SIN3A: variants seen among roughly 807,000 people sequenced by gnomAD.
The protein encoded by SIN3A is SIN3 transcription regulator family member A, also known as paired amphipathic helix protein Sin3a.
A neutral mutation model predicts 146.1 loss-of-function variants in SIN3A; 14 were observed. That is an observed-to-expected ratio of 0.10 (90% CI 0.06 to 0.15). The LOEUF is 0.15. Ranked by LOEUF, SIN3A falls within the 10% of genes least tolerant of loss-of-function variation. SIN3A has a pLI of 1.00. For missense variants in SIN3A, 1,028 were observed against 1,576.0 expected (o/e 0.65, Z 5.89); for synonymous variants, 572 against 572.0 (o/e 1.00, Z 0.00).
intron 19 of SIN3A, among the ~76,000 whole-genome samples, chr15:75,377,841 A>T (rs766569880): frequency 7.2e-5 from 11 of 152,326 alleles, no homozygotes; most frequent in Admixed American, 5.2e-4. Flanking sequence ...CCGAAAGAAC[A>T]ACTGACTAAA....
At chr15:75,435,738 A>G (rs2074096525) in intron 1 of SIN3A, among the ~76,000 whole-genome samples, 1 of 151,930 alleles carries the variant, frequency 6.6e-6, no homozygotes, top group Non-Finnish European at 1.5e-5. Flanking sequence ...AGTAAGCTAT[A>G]GAATACATAC....
intron 6 of SIN3A, 112 bp from the exon 7 acceptor site, chr15:75,410,398 T>A: frequency 9.2e-7 from 1 of 1,088,706 alleles, no homozygotes; most frequent in Non-Finnish European, 1.3e-6. Flanking sequence ...AAGAAGAAAG[T>A]CTATGTTCTT....
rs761104318 is a variant in SIN3A, at chr15:75,422,727, C to T, written c.286G>A (p.Gly96Ser). ...TGAGCATGACTCTGGACCACCTGGC[C>T]TCCGTGGGGCTGCACCGCTGTTGGG... ...HHPTAVQPHG[G>S]QVVQSHAHPA... is the part of the protein sequence containing the mutation. Residue 96 changes from glycine (G) to serine (S), a missense_variant, in exon 3 of 21, where the codon GGC becomes AGC. Physicochemically the swap from Gly to Ser is moderately conservative, Grantham distance 56. This residue lies in a region of SIN3A where 152 missense variants were observed against 231.5 expected (regional missense o/e 0.66). Coordinates refer to ENST00000394947, the MANE Select transcript of SIN3A (RefSeq NM_001145358.2). 5 of 1,614,212 alleles carry T rather than the reference C, an allele frequency of 3.1e-6. No individual in the cohort carries two copies. The East Asian group carries it at 1.1e-4, about 36-fold the overall frequency.
intron 1 of SIN3A, among the ~76,000 whole-genome samples, chr15:75,446,966 A>C (rs1226180206): frequency 6.6e-6 from 1 of 151,692 alleles, no homozygotes; most frequent in Non-Finnish European, 1.5e-5. Flanking sequence ...TTTAGTGGAG[A>C]CCATGTTAGC....
chr15:75,380,411 T>A (rs2072942181), intron 19 of SIN3A, among the ~76,000 whole-genome samples: 1 of 152,214 alleles, frequency 6.6e-6, no homozygotes, highest in South Asian at 2.1e-4. Flanking sequence ...GTACGGAGGT[T>A]ATTGTTGATT....
Position 75,396,434 on chromosome 15 carries a change from C to T in SIN3A, c.1917G>A (p.Lys639=), listed in dbSNP as rs772043393. 8.1e-6 allele frequency: 13 copies of T among 1,613,966 alleles called. No individual in the cohort carries two copies. The highest frequency in any genetic ancestry group is 1.1e-5 in the Non-Finnish European group (13 of 1,179,980). The change falls in exon 13 of 21, where the codon AAG becomes AAA. Residue 639 remains lysine (K), a synonymous_variant. Coordinates refer to ENST00000394947, the MANE Select transcript of SIN3A (RefSeq NM_001145358.2). ...GTTCTTCAGCAGACAAGCGGGAAAG[C>T]TTCTTCTGTATTGCTTCCAGAACCC... is the stretch of plus-strand genomic sequence containing the variant. ...TIRVLEAIQK[K]LSRLSAEEQA... is the part of the protein sequence containing the mutation.
At chr15:75,400,982 G>A (rs764951202) in intron 10 of SIN3A, 42 bp from the exon 11 acceptor site, 7 of 1,418,410 alleles carry the variant, frequency 4.9e-6, no homozygotes, top group Non-Finnish European at 6.9e-6. Context: ...TTAGGGGCAG[G>A]ATGCAGTTAT....
At chr15:75,442,515 T>C (rs1037967322) in intron 1 of SIN3A, among the ~76,000 whole-genome samples, 7 of 150,482 alleles carry the variant, frequency 4.7e-5, no homozygotes, top group African/African-American at 1.7e-4. Context: ...TCTAGCTGGA[T>C]GCCTATAGTG....
chr15:75,444,345 G>A (rs184284523), intron 1 of SIN3A, among the ~76,000 whole-genome samples: 29 of 152,214 alleles, frequency 1.9e-4, no homozygotes, highest in Admixed American at 1.3e-4. Flanking sequence ...GGAGGTTGAG[G>A]CAGGAGAACC....
chr15:75,449,999 C>G (rs1257397380), intron 1 of SIN3A, among the ~76,000 whole-genome samples: 2 of 151,984 alleles, frequency 1.3e-5, no homozygotes, highest in African/African-American at 4.8e-5. Flanking sequence ...TGGCTGGTCT[C>G]GAACTCCTGA....
At chr15:75,381,726 C>T (rs376957985) in intron 17 of SIN3A, 21 bp from the exon 18 acceptor site, 281 of 1,587,304 alleles carry the variant, frequency 1.8e-4, no homozygotes, top group Non-Finnish European at 2.1e-4. Context: ...GAAACCTAAG[C>T]GTAAACAAAA....
At chr15:75,407,291 T>C (rs1202765851) in intron 8 of SIN3A, 147 bp from the exon 9 acceptor site, 1 of 571,434 alleles carries the variant, frequency 1.7e-6, no homozygotes, top group East Asian at 2.9e-5. Flanking sequence ...ACTCACTCCA[T>C]ACCCTCTAAG....
intron 16 of SIN3A, among the ~76,000 whole-genome samples, chr15:75,387,316 T>TC (rs2073104701): frequency 1.3e-5 from 2 of 151,864 alleles, no homozygotes; most frequent in South Asian, 4.2e-4. Flanking sequence ...CTTGAGCCCA[T>TC]AAGTTTGAGG....
intron 1 of SIN3A, chr15:75,436,506 A>T (rs2074110715): frequency 1.3e-5 from 2 of 152,192 alleles, no homozygotes; most frequent in Admixed American, 6.5e-5. Flanking sequence ...AACATGCTCA[A>T]GTGCTTAGAT....
Position 75,410,068 on chromosome 15 carries a change from G to C in SIN3A, c.1161+66C>G, listed in dbSNP as rs1036465676. 3.4e-5 allele frequency: 54 copies of C among 1,603,198 alleles called. No homozygotes were observed. The Middle Eastern group carries it at 8.3e-4, about 25-fold the overall frequency. On this transcript the variant is annotated intron_variant, in intron 7 of 20. Coordinates refer to ENST00000394947, the MANE Select transcript of SIN3A (RefSeq NM_001145358.2). ...TCATCTAGGAAAAGTCCCCTTCTGAGCACAGTTTTCCAACTCATCTAAGAT... is the reference window on the plus strand; with the variant it reads ...TCATCTAGGAAAAGTCCCCTTCTGACCACAGTTTTCCAACTCATCTAAGAT...
In SIN3A at chr15:75,392,540, A is replaced by C; in HGVS notation, c.2553T>G (p.Val851=). 6.2e-7 allele frequency: 1 copy of C among 1,614,084 alleles called. No homozygotes were observed. The highest frequency in any genetic ancestry group is 8.5e-7 in the Non-Finnish European group (1 of 1,180,034). Residue 851 remains valine (V), a synonymous_variant, in exon 15 of 21, where the codon GTT becomes GTG. Transcript: ENST00000394947. ...EMDVDEATGA[V]KKHNGVGGSP... is the part of the protein sequence containing the mutation. ...TGCCCCCAACACCATTGTGCTTCTTAACTGCCCCTGTGGCTTCATCTACAT... is the reference window on the plus strand; with the variant it reads ...TGCCCCCAACACCATTGTGCTTCTTCACTGCCCCTGTGGCTTCATCTACAT...
chr15:75,412,448 C>T (rs2073658381), intron 5 of SIN3A, among the ~76,000 whole-genome samples: 1 of 152,168 alleles, frequency 6.6e-6, no homozygotes, highest in African/African-American at 2.4e-5. Flanking sequence ...CAGGATAAGA[C>T]GATGGTTTCT....
chr15:75,392,702 A>G lies in SIN3A; in HGVS notation c.2391T>C (p.His797=). 2 of 1,614,134 alleles carry G rather than the reference A, an allele frequency of 1.2e-6. No homozygotes were observed. Among genetic ancestry groups the G allele is most frequent in the South Asian group, 1.1e-5 (1 of 91,082 alleles). The change falls in exon 15 of 21, where the codon CAT becomes CAC. Residue 797 remains histidine, a synonymous_variant. Coordinates refer to ENST00000394947, the MANE Select transcript of SIN3A (RefSeq NM_001145358.2). ...LEDAAALIIH[H]VKRQTGIQKE... ...TCTGAATGCCTGTCTGCCTCTTCACATGGTGGATAATCAGAGCAGCAGCAT... is the reference window on the plus strand; with the variant it reads ...TCTGAATGCCTGTCTGCCTCTTCACGTGGTGGATAATCAGAGCAGCAGCAT...
intron 1 of SIN3A, among the ~76,000 whole-genome samples, chr15:75,440,073 C>A (rs1413249024): frequency 1.3e-5 from 2 of 151,104 alleles, no homozygotes; most frequent in Non-Finnish European, 2.9e-5. Flanking sequence ...ATTGCTTGAA[C>A]CTGGGAGGCG....
Sources: gnomAD v4.1 joint callset for allele counts (sites outside exome capture counted in the v4.1 genomes callset) on GRCh38, gnomAD v4.1.1 for gene constraint, gnomAD v4.1.1 regional missense constraint, MANE v1.5 for transcripts, NCBI Gene and HGNC (gene_info 2026-07-23, HGNC 2026-07-21) for gene names.